Variants in EFS observed in about 807,000 individuals in gnomAD.
EFS encodes Cas scaffolding protein family member 3.
EFS carries 34 observed loss-of-function variants against 42.2 expected under a neutral mutation model. That is an observed-to-expected ratio of 0.81 (90% CI 0.61 to 1.07). EFS has a LOEUF of 1.07. Ranked by LOEUF, EFS falls within the 50% of genes least tolerant of loss-of-function variation. The pLI, the probability that EFS is intolerant of heterozygous loss-of-function variation, is 0.00. For missense variants in EFS, 717 were observed against 729.4 expected, an observed-to-expected ratio of 0.98 and a Z score of 0.20; for synonymous variants, 299 against 320.7, an observed-to-expected ratio of 0.93 and a Z score of 0.72.
intron 1 of EFS, 84 bp downstream of exon 1, chr14:23,364,920 CAAAG>C (rs759861962): frequency 5.1e-6 from 6 of 1,177,238 alleles, no homozygotes; most frequent in Non-Finnish European, 6.5e-6. Context: ...AGGAGAGAGA[CAAAG>C]AGAGGGCAGA....
Position 23,356,997 on chromosome 14 carries a change from A to C in EFS, c.*229T>G, listed in dbSNP as rs1889932885. 2.7e-6 allele frequency: 1 copy of C among 366,704 alleles called. No individual in the cohort carries two copies. Among genetic ancestry groups the C allele is most frequent in the African/African-American group, 2.1e-5 (1 of 48,232 alleles). The allele number at this position is 366,704 out of a possible 1,614,324, so 22.7% of individuals were successfully genotyped here. A position where few individuals can be genotyped will look rare whatever the true frequency, so the allele number is the denominator to read the frequency against. ...AGAGCCTAGTACCTGCTCCTGACAA[A>C]GCAGGGAATAATATTAAATATAAAT... On this transcript the variant is annotated 3_prime_UTR_variant, in exon 6 of 6. Coordinates refer to ENST00000216733, the MANE Select transcript of EFS (RefSeq NM_005864.4).
Position 23,359,700 on chromosome 14 carries a change from G to A in EFS, c.778C>T (p.Pro260Ser). ...GGCTCTGGAGAAGGGGGAGCCTCTG[G>A]CCCCAGCAGAGGCACATCGTAGATC... The part of the protein sequence containing the change: ...EGIYDVPLLG[P>S]EAPPSPEPPG... The change falls in exon 4 of 6, where the codon CCA (proline) becomes TCA (serine). Residue 260 changes from proline to serine, a missense_variant. By Grantham distance (74) the Pro-to-Ser change is moderately conservative. Transcript: ENST00000216733. 3 of 1,514,202 alleles carry A rather than the reference G, an allele frequency of 2.0e-6. 1 individual carries two copies. In the South Asian group the frequency reaches 4.0e-5, roughly 20 times the overall value. 93.8% of individuals were successfully genotyped at this position (1,514,202 alleles called of 1,614,324 possible).
At position 23,359,724 on chromosome 14, in the gene EFS, T is replaced by C. The variant is rs1276160567; in HGVS notation, c.754A>G (p.Ile252Val). Residue 252 changes from isoleucine (I) to valine (V), a missense_variant, in exon 4 of 6, where the codon ATC becomes GTC. Coordinates refer to ENST00000216733, the MANE Select transcript of EFS (RefSeq NM_005864.4). ...DGEGGGTDEG[I>V]YDVPLLGPEA... ...GGCCCCAGCAGAGGCACATCGTAGA[T>C]CCCCTCATCAGTGCCCCCGCCCTCC... 1.3e-6 allele frequency: 2 copies of C among 1,516,486 alleles called. No individual in the cohort carries two copies. The highest frequency in any genetic ancestry group is 4.5e-5 in the Admixed American group (2 of 44,112). 93.9% of individuals were successfully genotyped at this position (1,516,486 alleles called of 1,614,324 possible).
Position 23,359,954 on chromosome 14 carries a change from C to T in EFS, c.524G>A (p.Arg175Gln), listed in dbSNP as rs544344826. The change falls in exon 4 of 6, where the codon CGG becomes CAG. Residue 175 changes from arginine (R) to glutamine (Q), a missense_variant. Arg to Gln is a conservative substitution (Grantham distance 43). Transcript: ENST00000216733. ...CPASFSHPLT[R>Q]VAPQPPGEDD... ...CTCTCCAGGGGGCTGCGGGGCAACC[C>T]GGGTCAGAGGGTGGGAAAAGGAGGC... is the stretch of plus-strand genomic sequence containing the variant. 1.1e-5 allele frequency: 17 copies of T among 1,569,486 alleles called. No individual in the cohort carries two copies. The highest frequency in any genetic ancestry group is 2.2e-5 in the East Asian group (1 of 44,540).
chr14:23,360,382 A>G (rs947103825), intron 2 of EFS, 101 bp from the exon 3 acceptor site: 1 of 1,509,300 alleles, frequency 6.6e-7, no homozygotes. Flanking sequence ...CTCTCCCTGT[A>G]TCGAGAGGGC....
intron 1 of EFS, among the ~76,000 whole-genome samples, chr14:23,363,743 G>T (rs936453494): frequency 1.3e-5 from 2 of 152,076 alleles, no homozygotes; most frequent in African/African-American, 4.8e-5. Context: ...TTTGAGACCA[G>T]CCTGGGCAAC....
chr14:23,359,677 C>T lies in EFS; in HGVS notation c.801G>A (p.Glu267=). The T allele has an allele frequency of 6.6e-7, 1 of 1,510,268 alleles. No individual in the cohort carries two copies. Among genetic ancestry groups the T allele is most frequent in the Non-Finnish European group, 8.8e-7 (1 of 1,131,252 alleles). The allele number at this position is 1,510,268 out of a possible 1,614,324, so 93.6% of individuals were successfully genotyped here. A position where few individuals can be genotyped will look rare whatever the true frequency, so the allele number is the denominator to read the frequency against. ...CATGGGAGGCCAAGGCTCCAGGGGGCTCTGGAGAAGGGGGAGCCTCTGGCC... is the reference window on the plus strand; with the variant it reads ...CATGGGAGGCCAAGGCTCCAGGGGGTTCTGGAGAAGGGGGAGCCTCTGGCC... ...LLGPEAPPSP[E]PPGALASHDQ... is the part of the protein sequence containing the mutation. The change falls in exon 4 of 6, where the codon GAG becomes GAA. Residue 267 remains glutamate (E), a synonymous_variant. Coordinates refer to ENST00000216733, the MANE Select transcript of EFS (RefSeq NM_005864.4).
At chr14:23,360,931 A>T in intron 1 of EFS, 98 bp from the exon 2 acceptor site, 1 of 1,290,086 alleles carries the variant, frequency 7.8e-7, no homozygotes, top group Non-Finnish European at 1.0e-6. Flanking sequence ...ATTTCCCTCA[A>T]GCTAAAAAAC....
Position 23,360,850 on chromosome 14 carries a change from G to T in EFS, c.19-17C>A. On this transcript the variant is annotated splice_polypyrimidine_tract_variant and intron_variant, in intron 1 of 5. Transcript: ENST00000216733. ...CAGCTGGGTCTGGTTGGGGAGGTGG[G>T]AGTGGGGAGAAGGGTCTTCAGACCC... 1 of 1,601,426 alleles carries T rather than the reference G, an allele frequency of 6.2e-7. No individual in the cohort carries two copies. Among genetic ancestry groups the T allele is most frequent in the Middle Eastern group, 1.7e-4 (1 of 5,904 alleles).
At position 23,359,761 on chromosome 14, in the gene EFS, C is replaced by T. The variant is rs200539889; in HGVS notation, c.717G>A (p.Leu239=). ...LLNLYEAPEE[L]LADGEGGGTD... is the part of the protein sequence containing the mutation. ...TGCCCCCGCCCTCCCCGTCTGCCAG[C>T]AGTTCCTCGGGTGCTTCATACAAAT... The change falls in exon 4 of 6, where the codon CTG becomes CTA. Residue 239 remains leucine (L), a synonymous_variant. Transcript: ENST00000216733. The T allele has an allele frequency of 1.3e-6, 2 of 1,516,464 alleles. No homozygotes were observed. The highest frequency in any genetic ancestry group is 2.3e-5 in the Admixed American group (1 of 44,086). The allele number at this position is 1,516,464 out of a possible 1,614,324, so 93.9% of individuals were successfully genotyped here.
chr14:23,359,143 A>G (rs1432358546), intron 4 of EFS, among the ~76,000 whole-genome samples, 174 bp downstream of exon 4: 1 of 152,168 alleles, frequency 6.6e-6, no homozygotes, highest in African/African-American at 2.4e-5. Context: ...TAGGAGGAAC[A>G]GTGTGGCACT....
Position 23,360,835 on chromosome 14 carries a change from T to C in EFS, c.19-2A>G, listed in dbSNP as rs1890129366. The C allele has an allele frequency of 1.9e-6, 3 of 1,607,378 alleles. No homozygotes were observed. The highest frequency in any genetic ancestry group is 2.6e-6 in the Non-Finnish European group (3 of 1,176,226). The stretch of plus-strand genomic sequence containing the variant: ...ATACAGTGCCCGGGCCAGCTGGGTC[T>C]GGTTGGGGAGGTGGGAGTGGGGAGA... On this transcript the variant is annotated splice_acceptor_variant, in intron 1 of 5. Transcript: ENST00000216733. LOFTEE classifies it high-confidence loss of function.
chr14:23,360,486 C>T, intron 2 of EFS, 69 bp downstream of exon 2: 1 of 1,512,656 alleles, frequency 6.6e-7, no homozygotes. Context: ...TGCTGCAGGC[C>T]CTGGGTGGGG....
Position 23,357,530 on chromosome 14 carries a change from G to A in EFS, c.1382C>T (p.Thr461Ile). 6.2e-7 allele frequency: 1 copy of A among 1,613,506 alleles called. No individual in the cohort carries two copies. The highest frequency in any genetic ancestry group is 8.5e-7 in the Non-Finnish European group (1 of 1,179,694). ...QAAVAALMSS[T>I]QANQPPRLFV... is the part of the protein sequence containing the mutation. ...AAGGCGCGGGGGCTGATTAGCCTGG[G>A]TACTGGACATCAGGGCTGCCACGGC... Residue 461 changes from threonine to isoleucine, a missense_variant, in exon 6 of 6, where the codon ACC (threonine) becomes ATC (isoleucine). Coordinates refer to ENST00000216733, the MANE Select transcript of EFS (RefSeq NM_005864.4).
In EFS at chr14:23,360,599, C is replaced by T. The variant is rs1890114397; in HGVS notation, c.253G>A (p.Gly85Ser). ...SLSPASPAQP[G>S]SPYPAPDHSN... is the part of the protein sequence containing the mutation. ...TGATCTGGGGCTGGATATGGTGAGC[C>T]AGGCTGGGCTGGGGACGCAGGAGAG... Residue 85 changes from glycine (G) to serine (S), a missense_variant, in exon 2 of 6, where the codon GGC becomes AGC. Physicochemically the swap from Gly to Ser is moderately conservative, Grantham distance 56 (BLOSUM62 0). Coordinates refer to ENST00000216733, the MANE Select transcript of EFS (RefSeq NM_005864.4). 1 of 1,578,798 alleles carries T rather than the reference C, an allele frequency of 6.3e-7. No homozygotes were observed. The highest frequency in any genetic ancestry group is 1.3e-5 in the African/African-American group (1 of 74,192).
At position 23,358,918 on chromosome 14, in the gene EFS, T is replaced by C. The variant is rs557926256; in HGVS notation, c.1209A>G (p.Thr403=). ...QGSRPPDQAC[T]GDPELPERGM... ...CCCTCTCGGGCAGTTCAGGATCCCC[T>C]GTGCAGGCCTGATCCGGGGGCCTAG... The change falls in exon 5 of 6, where the codon ACA becomes ACG. Residue 403 remains threonine (T), a synonymous_variant. Coordinates refer to ENST00000216733, the MANE Select transcript of EFS (RefSeq NM_005864.4). The C allele has an allele frequency of 9.4e-5, 151 of 1,613,040 alleles. 2 individuals carry two copies. The South Asian group carries it at 1.7e-3, about 18-fold the overall frequency.
At position 23,364,965 on chromosome 14, in the gene EFS, TGG is replaced by T. The variant is rs781612873; in HGVS notation, c.18+41_18+42del. The T allele has an allele frequency of 4.3e-4, 544 of 1,277,294 alleles. 2 individuals are homozygous for T. The Middle Eastern group carries it at 4.5e-3, about 11-fold the overall frequency. The allele number at this position is 1,277,294 out of a possible 1,614,324, so 79.1% of individuals were successfully genotyped here. The stretch of plus-strand genomic sequence containing the variant: ...AGTGACAGGAGCGCAGGGCAGGCCG[TGG>T]AGGTCTCTCCCCGGCAGCCTCCACT... On this transcript the variant is annotated intron_variant, in intron 1 of 5. Transcript: ENST00000216733.
chr14:23,359,675 G>A lies in EFS; in HGVS notation c.803C>T (p.Pro268Leu). 1.3e-6 allele frequency: 2 copies of A among 1,511,112 alleles called. No individual in the cohort carries two copies. The highest frequency in any genetic ancestry group is 1.8e-6 in the Non-Finnish European group (2 of 1,131,660). The allele number at this position is 1,511,112 out of a possible 1,614,324, so 93.6% of individuals were successfully genotyped here. ...LGPEAPPSPEPPGALASHDQD... is the reference protein window; with the variant it reads ...LGPEAPPSPELPGALASHDQD... ...GTCATGGGAGGCCAAGGCTCCAGGG[G>A]GCTCTGGAGAAGGGGGAGCCTCTGG... Residue 268 changes from proline to leucine, a missense_variant, in exon 4 of 6, where the codon CCC (proline) becomes CTC (leucine). Pro to Leu is a moderately conservative substitution (Grantham distance 98). Transcript: ENST00000216733.
chr14:23,357,064 G>A lies in EFS; in HGVS notation c.*162C>T. 1 of 536,876 alleles carries A rather than the reference G, an allele frequency of 1.9e-6. No individual in the cohort carries two copies. The highest frequency in any genetic ancestry group is 3.1e-6 in the Non-Finnish European group (1 of 327,048). The allele number at this position is 536,876 out of a possible 1,614,324, so 33.3% of individuals were successfully genotyped here. ...CTTGTACAAAAAGCTGTAGGTTAGG[G>A]GGAGAAGACACCTCTGTGAGAGGTT... On this transcript the variant is annotated 3_prime_UTR_variant, in exon 6 of 6. Coordinates refer to ENST00000216733, the MANE Select transcript of EFS (RefSeq NM_005864.4).
Sources: gnomAD v4.1 joint callset for allele counts (sites outside exome capture counted in the v4.1 genomes callset) on GRCh38, gnomAD v4.1.1 for gene constraint, MANE v1.5 for transcripts, NCBI Gene and HGNC (gene_info 2026-07-23, HGNC 2026-07-21) for gene names.